TUBA8: variants seen among roughly 807,000 people sequenced by gnomAD.
TUBA8 encodes tubulin alpha-8 chain.
A neutral mutation model predicts 34.7 loss-of-function variants in TUBA8; 29 were observed. The ratio of observed to expected loss-of-function variants is 0.84; its 90% confidence interval spans 0.62 to 1.14. The LOEUF (loss-of-function observed/expected upper bound fraction) is 1.14, where lower values mean the gene tolerates loss of function less well. TUBA8 is among the 50% of genes most tolerant of loss of function. The pLI is 0.00. For missense variants in TUBA8, 541 were observed against 599.2 expected (o/e 0.90, Z 1.01); for synonymous variants, 226 against 231.2 (o/e 0.98, Z 0.21).
rs768518621 is a variant in TUBA8, at chr22:18,130,979, T to G, written c.1193T>G (p.Met398Arg). ...WARLDHKFDL[M>R]YAKRAFVHWY... is the part of the protein sequence containing the mutation. The stretch of plus-strand genomic sequence containing the variant: ...CGCCTCGACCACAAGTTCGACCTCA[T>G]GTACGCCAAGCGGGCCTTTGTGCAT... The change falls in exon 5 of 5, where the codon ATG becomes AGG. Residue 398 changes from methionine (M) to arginine (R), a missense_variant. By Grantham distance (91) the Met-to-Arg change is moderately conservative. Transcript: ENST00000330423. 2 of 1,614,048 alleles carry G rather than the reference T, an allele frequency of 1.2e-6. No individual in the cohort carries two copies. The highest frequency in any genetic ancestry group is 1.1e-5 in the South Asian group (1 of 91,076).
rs1928318834 is a variant in TUBA8 at position 18,126,390 on chromosome 22, T to C, written c.412T>C (p.Phe138Leu). The C allele has an allele frequency of 1.2e-6, 2 of 1,614,032 alleles. No homozygotes were observed. The highest frequency in any genetic ancestry group is 1.7e-5 in the Admixed American group (1 of 59,996). ...CTCTGGCCTGCAGGGCTTCCTGATT[T>C]TCCACAGTTTTGGTGGGGGCACTGG... Reference protein sequence around the residue: ...ACSGLQGFLIFHSFGGGTGSG... With the variant: ...ACSGLQGFLILHSFGGGTGSG... The change falls in exon 4 of 5, where the codon TTC (phenylalanine) becomes CTC (leucine). Residue 138 changes from phenylalanine to leucine, a missense_variant. Physicochemically the swap from Phe to Leu is conservative, Grantham distance 22 (BLOSUM62 0). Transcript: ENST00000330423. This position sits in a 1 kb window ranked among gnomAD's most constrained non-coding sequence, Gnocchi z 4.0.
chr22:18,114,759 C>A (rs1927916097), intron 1 of TUBA8: 1 of 152,146 alleles, frequency 6.6e-6, no homozygotes, highest in South Asian at 2.1e-4. Context: ...TGGTGCCAGG[C>A]TTTCACAGGG....
rs1602485959 is a variant in TUBA8, at chr22:18,110,909, A to C, written c.3+41A>C. On this transcript the variant is annotated intron_variant, in intron 1 of 4. Coordinates refer to ENST00000330423, the MANE Select transcript of TUBA8 (RefSeq NM_018943.3). The surrounding 1 kb of genome is among the most constrained non-coding windows in gnomAD (Gnocchi z 6.2). ...GCCAGGCGGGCTGCGGGCGCGCGGCAGGCGTAGGACCGAGAGCCGAGTCTA... is the reference window on the plus strand; with the variant it reads ...GCCAGGCGGGCTGCGGGCGCGCGGCCGGCGTAGGACCGAGAGCCGAGTCTA... 3 of 1,541,228 alleles carry C rather than the reference A, an allele frequency of 1.9e-6. No individual in the cohort carries two copies. The East Asian group carries it at 7.2e-5, about 37-fold the overall frequency.
rs1431105345 is a variant in TUBA8 at position 18,111,379 on chromosome 22, G to A, written c.3+511G>A. 1 of 160,682 alleles carries A rather than the reference G, an allele frequency of 6.2e-6. No individual in the cohort carries two copies. The highest frequency in any genetic ancestry group is 1.7e-4 in the East Asian group (1 of 5,804). 10.0% of individuals were successfully genotyped at this position (160,682 alleles called of 1,614,324 possible). On this transcript the variant is annotated intron_variant, in intron 1 of 4. Transcript: ENST00000330423. This position sits in a 1 kb window ranked among gnomAD's most constrained non-coding sequence, Gnocchi z 5.1. The stretch of plus-strand genomic sequence containing the variant: ...GAGGTCTTTCTCGCAAGCCTGGCCA[G>A]CGGCTTGGGTTTGCTGCACGCACAG...
rs758001774 is a variant in TUBA8 at position 18,124,115 on chromosome 22, C to T, written c.227-41C>T. The T allele has an allele frequency of 4.3e-6, 7 of 1,613,538 alleles. No individual in the cohort carries two copies. Among genetic ancestry groups the T allele is most frequent in the African/African-American group, 4.0e-5 (3 of 74,912 alleles). On this transcript the variant is annotated intron_variant, in intron 2 of 4. Transcript: ENST00000330423. The surrounding 1 kb of genome is among the most constrained non-coding windows in gnomAD (Gnocchi z 4.3). ...TAGTGTGGTAGGGAGGGAGGCTTCT[C>T]CCCTGGGCAGTAGGACCTAATGGTC...
chr22:18,126,585 A>C lies in TUBA8; in HGVS notation c.607A>C (p.Met203Leu). Residue 203 changes from methionine to leucine, a missense_variant, in exon 4 of 5, where the codon ATG becomes CTG. Physicochemically the swap from Met to Leu is conservative, Grantham distance 15. Coordinates refer to ENST00000330423, the MANE Select transcript of TUBA8 (RefSeq NM_018943.3). The surrounding 1 kb of genome is among the most constrained non-coding windows in gnomAD (Gnocchi z 4.0). ...ACTGGAACATTCAGATTGTGCTTTC[A>C]TGGTGGACAACGAAGCCATCTATGA... ...TTLEHSDCAF[M>L]VDNEAIYDIC... The C allele has an allele frequency of 6.2e-7, 1 of 1,614,116 alleles. No homozygotes were observed. Among genetic ancestry groups the C allele is most frequent in the Middle Eastern group, 1.6e-4 (1 of 6,062 alleles).
chr22:18,124,410 G>C lies in TUBA8; in HGVS notation c.375+106G>C. ...GAGAGGCATCTGACCCCTGGCTATA[G>C]GATGGAGCTCCTAAGGTTTGGGAAT... On this transcript the variant is annotated intron_variant, in intron 3 of 4. Transcript: ENST00000330423. The surrounding 1 kb of genome is among the most constrained non-coding windows in gnomAD (Gnocchi z 4.3). 7.5e-7 allele frequency: 1 copy of C among 1,337,786 alleles called. No individual in the cohort carries two copies. The highest frequency in any genetic ancestry group is 1.0e-6 in the Non-Finnish European group (1 of 990,848). 82.9% of individuals were successfully genotyped at this position (1,337,786 alleles called of 1,614,324 possible).
At chr22:18,113,947 T>A (rs1386379507) in intron 1 of TUBA8, 1 of 152,044 alleles carries the variant, frequency 6.6e-6, no homozygotes, top group East Asian at 1.9e-4. Context: ...ATGTGCTTTC[T>A]CCTAGTGACC....
At position 18,126,395 on chromosome 22, in the gene TUBA8, C is replaced by A; in HGVS notation, c.417C>A (p.His139Gln). The A allele has an allele frequency of 1.2e-6, 2 of 1,614,130 alleles. No homozygotes were observed. Among genetic ancestry groups the A allele is most frequent in the Non-Finnish European group, 1.7e-6 (2 of 1,180,024 alleles). The change falls in exon 4 of 5, where the codon CAC (histidine) becomes CAA (glutamine). Residue 139 changes from histidine to glutamine, a missense_variant. Physicochemically the swap from His to Gln is conservative, Grantham distance 24 (BLOSUM62 0). Transcript: ENST00000330423. The surrounding 1 kb of genome is among the most constrained non-coding windows in gnomAD (Gnocchi z 4.0). Reference sequence around the variant, plus strand: ...GCCTGCAGGGCTTCCTGATTTTCCACAGTTTTGGTGGGGGCACTGGCTCCG... The same window carrying A: ...GCCTGCAGGGCTTCCTGATTTTCCAAAGTTTTGGTGGGGGCACTGGCTCCG... ...CSGLQGFLIF[H>Q]SFGGGTGSGF...
At position 18,118,149 on chromosome 22, in the gene TUBA8, C is replaced by T. The variant is rs1402956546; in HGVS notation, c.4-3330C>T. 2.6e-5 allele frequency: 4 copies of T among 152,120 alleles called. No homozygotes were observed. Among genetic ancestry groups the T allele is most frequent in the South Asian group, 2.1e-4 (1 of 4,812 alleles). 9.4% of individuals were successfully genotyped at this position (152,120 alleles called of 1,614,324 possible). On this transcript the variant is annotated intron_variant, in intron 1 of 4. Coordinates refer to ENST00000330423, the MANE Select transcript of TUBA8 (RefSeq NM_018943.3). This position sits in a 1 kb window ranked among gnomAD's most constrained non-coding sequence, Gnocchi z 4.0. ...ATAACAGTGGTTCTTTGGCTCTCGGCGAAGATCCAGTTCCCCATCAGTCTT... is the reference window on the plus strand; with the variant it reads ...ATAACAGTGGTTCTTTGGCTCTCGGTGAAGATCCAGTTCCCCATCAGTCTT...
At chr22:18,113,376 C>T (rs1158639469) in intron 1 of TUBA8, 4 of 152,260 alleles carry the variant, frequency 2.6e-5, no homozygotes, top group African/African-American at 9.6e-5. Context: ...TAGCACGCAG[C>T]TCTCTGGGAA....
chr22:18,130,712 C>T (rs995845329), intron 4 of TUBA8, 131 bp from the exon 5 acceptor site: 1 of 1,198,066 alleles, frequency 8.3e-7, no homozygotes, highest in Admixed American at 2.0e-5. Context: ...CTGTTGCATC[C>T]CATAGCCCCA....
Position 18,111,120 on chromosome 22 carries a change from G to A in TUBA8, c.3+252G>A, listed in dbSNP as rs934861761. 1.3e-5 allele frequency: 8 copies of A among 596,396 alleles called. No homozygotes were observed. Among genetic ancestry groups the A allele is most frequent in the Admixed American group, 3.0e-5 (1 of 33,702 alleles). 36.9% of individuals were successfully genotyped at this position (596,396 alleles called of 1,614,324 possible). ...ACCTAAGGGAGCTTTGCGTGCAGAC[G>A]AGGGGGAGGGAGGCCCTGGGGAGCC... On this transcript the variant is annotated intron_variant, in intron 1 of 4. Coordinates refer to ENST00000330423, the MANE Select transcript of TUBA8 (RefSeq NM_018943.3). This position sits in a 1 kb window ranked among gnomAD's most constrained non-coding sequence, Gnocchi z 5.1.
chr22:18,121,735 C>T lies in TUBA8; in HGVS notation c.226+34C>T, dbSNP rs1569199339. On this transcript the variant is annotated intron_variant, in intron 2 of 4. Coordinates refer to ENST00000330423, the MANE Select transcript of TUBA8 (RefSeq NM_018943.3). The surrounding 1 kb of genome is among the most constrained non-coding windows in gnomAD (Gnocchi z 4.8). ...GGGCGGAGTTCCCCTCCACAGAGAA[C>T]ATCTCGAAACTGCAGAGGCATTGGC... 2.5e-6 allele frequency: 4 copies of T among 1,594,722 alleles called. No homozygotes were observed. Among genetic ancestry groups the T allele is most frequent in the Non-Finnish European group, 3.4e-6 (4 of 1,163,630 alleles).
In TUBA8 at chr22:18,124,432, G is replaced by A; in HGVS notation, c.375+128G>A. On this transcript the variant is annotated intron_variant, in intron 3 of 4. Transcript: ENST00000330423. This position sits in a 1 kb window ranked among gnomAD's most constrained non-coding sequence, Gnocchi z 4.3. Reference sequence around the variant, plus strand: ...ATAGGATGGAGCTCCTAAGGTTTGGGAATTTCTGCTTAAATTCTGTAAGAA... The same window carrying A: ...ATAGGATGGAGCTCCTAAGGTTTGGAAATTTCTGCTTAAATTCTGTAAGAA... The A allele has an allele frequency of 8.7e-7, 1 of 1,155,388 alleles. No homozygotes were observed. Among genetic ancestry groups the A allele is most frequent in the Non-Finnish European group, 1.2e-6 (1 of 837,312 alleles). The allele number at this position is 1,155,388 out of a possible 1,614,324, so 71.6% of individuals were successfully genotyped here. A position where few individuals can be genotyped will look rare whatever the true frequency, so the allele number is the denominator to read the frequency against.
intron 1 of TUBA8, chr22:18,117,330 A>G (rs1191284933): frequency 1.3e-5 from 2 of 152,342 alleles, no homozygotes; most frequent in Non-Finnish European, 2.9e-5. Context: ...TACGCTGAAC[A>G]AAGCAAATCA....
At chr22:18,127,168 T>C (rs1602499353) in intron 4 of TUBA8, 134 bp downstream of exon 4, 1 of 883,126 alleles carries the variant, frequency 1.1e-6, no homozygotes, top group Non-Finnish European at 1.7e-6. Flanking sequence ...AAATGTAACA[T>C]GAATGGAATT....
At chr22:18,129,748 T>C (rs1928437097) in intron 4 of TUBA8, 1 of 152,078 alleles carries the variant, frequency 6.6e-6, no homozygotes, top group African/African-American at 2.4e-5. Context: ...TTTAAAGCTA[T>C]GGATTTAAGA....
chr22:18,114,972 G>GT (rs1927923790), intron 1 of TUBA8: 1 of 151,520 alleles, frequency 6.6e-6, no homozygotes, highest in Non-Finnish European at 1.5e-5. Context: ...TAAGAATGAT[G>GT]TAAAAAAAAA....
Sources: gnomAD v4.1 joint callset for allele counts on GRCh38, gnomAD v4.1.1 for gene constraint, Gnocchi (gnomAD v3.1) non-coding constraint, MANE v1.5 for transcripts, NCBI Gene and HGNC (gene_info 2026-07-23, HGNC 2026-07-21) for gene names.